SPECC1: variants seen among roughly 807,000 people sequenced by gnomAD.
SPECC1 encodes cytospin-B.
Under a neutral mutation model 104.1 loss-of-function variants are expected in SPECC1, and 62 were observed. The ratio of observed to expected loss-of-function variants is 0.60; its 90% CI spans 0.49 to 0.74. The LOEUF is 0.74. Among genes scored for constraint, SPECC1 ranks in the 30% least tolerant of loss-of-function variants. The pLI, the probability that SPECC1 is intolerant of heterozygous loss-of-function variation, is 0.00. For synonymous variants in SPECC1, 513 were observed against 501.6 expected, an observed-to-expected ratio of 1.02 and a Z score of -0.30; for missense variants, 1,306 against 1,310.5, an observed-to-expected ratio of 1.00 and a Z score of 0.05.
Position 20,315,790 on chromosome 17 carries a change from T to A in SPECC1, c.*1725T>A, listed in dbSNP as rs758305395. 4 of 232,676 alleles carry A rather than the reference T, an allele frequency of 1.7e-5. No individual in the cohort carries two copies. Among genetic ancestry groups the A allele is most frequent in the Middle Eastern group, 1.3e-3 (1 of 784 alleles). The allele number at this position is 232,676 out of a possible 1,614,324, so 14.4% of individuals were successfully genotyped here. A position where few individuals can be genotyped will look rare whatever the true frequency, so the allele number is the denominator to read the frequency against. ...GCAGATCCCTGATTCTCAAGCCACC[T>A]TGAGACAAGAACTCCGCCCCCCTGT... On this transcript the variant is annotated 3_prime_UTR_variant, in exon 15 of 15. Coordinates refer to ENST00000395527, the MANE Select transcript of SPECC1 (RefSeq NM_001243439.2).
chr17:20,078,873 T>C, intron 1 of SPECC1, among the ~76,000 whole-genome samples: 1 of 152,248 alleles, frequency 6.6e-6, no homozygotes, highest in South Asian at 2.1e-4. Flanking sequence ...CAGGTTGCTT[T>C]TTCCTCTTGC....
At position 20,317,192 on chromosome 17, in the gene SPECC1, A is replaced by T. The variant is rs183614637; in HGVS notation, c.*3127A>T. The T allele has an allele frequency of 1.3e-3, 212 of 158,460 alleles. No individual in the cohort carries two copies. Among genetic ancestry groups the T allele is most frequent in the African/African-American group, 5.2e-3 (204 of 39,212 alleles). 9.8% of individuals were successfully genotyped at this position (158,460 alleles called of 1,614,324 possible). A position where few individuals can be genotyped will look rare whatever the true frequency, so the allele number is the denominator to read the frequency against. On this transcript the variant is annotated 3_prime_UTR_variant, in exon 15 of 15. Coordinates refer to ENST00000395527, the MANE Select transcript of SPECC1 (RefSeq NM_001243439.2). ...CACTTTGGGAGGCTGAGGTGGGAGGATTGCTTGAGCCCAGGAGTTTGAGAC... is the reference window on the plus strand; with the variant it reads ...CACTTTGGGAGGCTGAGGTGGGAGGTTTGCTTGAGCCCAGGAGTTTGAGAC...
rs546906217 is a variant in SPECC1, at chr17:20,019,038, G to C, written c.-22+9614G>C. ...ACCCTTCTGAAATCTAAGTTCCCAG[G>C]TGCCAGCCAAGGATTAACCATGCTT... is the stretch of plus-strand genomic sequence containing the variant. On this transcript the variant is annotated intron_variant, in intron 1 of 14. Coordinates refer to ENST00000395527, the MANE Select transcript of SPECC1 (RefSeq NM_001243439.2). Among the ~76,000 whole-genome samples the C allele has an allele frequency of 1.1e-4, 16 of 152,126 alleles. 1 individual carries two copies. In the South Asian group the frequency reaches 3.1e-3, roughly 30 times the overall value.
At chr17:20,238,779 TA>T in intron 7 of SPECC1, 1 of 1,044,682 alleles carries the variant, frequency 9.6e-7, no homozygotes, top group Non-Finnish European at 1.2e-6. Context: ...AACTTCAACT[TA>T]AAAGGCACTG....
chr17:20,266,765 G>A (rs1296389858), intron 12 of SPECC1, among the ~76,000 whole-genome samples: 1 of 152,090 alleles, frequency 6.6e-6, no homozygotes, highest in East Asian at 1.9e-4. Flanking sequence ...AGGGAAGGAG[G>A]GTTGGGAATG....
chr17:20,157,121 T>A (rs2032652206), intron 3 of SPECC1, among the ~76,000 whole-genome samples: 1 of 152,154 alleles, frequency 6.6e-6, no homozygotes, highest in African/African-American at 2.4e-5. Context: ...CTTGTCCGAG[T>A]GACCTTTTCC....
chr17:20,093,025 G>A (rs2047472790), intron 1 of SPECC1, among the ~76,000 whole-genome samples: 1 of 152,158 alleles, frequency 6.6e-6, no homozygotes, highest in Non-Finnish European at 1.5e-5. Context: ...CTGAGATTTG[G>A]GCAAGTTGCT....
Position 20,316,358 on chromosome 17 carries a change from G to C in SPECC1, c.*2293G>C. The C allele has an allele frequency of 4.4e-6, 1 of 224,806 alleles. No individual in the cohort carries two copies. Among genetic ancestry groups the C allele is most frequent in the Non-Finnish European group, 8.9e-6 (1 of 112,754 alleles). 13.9% of individuals were successfully genotyped at this position (224,806 alleles called of 1,614,324 possible). Reference sequence around the variant, plus strand: ...GTGGGTGTTTTCTGTGATTGGTTCTGTTTTTTATTTTTACTTATTTATTTT... The same window carrying C: ...GTGGGTGTTTTCTGTGATTGGTTCTCTTTTTTATTTTTACTTATTTATTTT... On this transcript the variant is annotated 3_prime_UTR_variant, in exon 15 of 15. Coordinates refer to ENST00000395527, the MANE Select transcript of SPECC1 (RefSeq NM_001243439.2).
intron 5 of SPECC1, among the ~76,000 whole-genome samples, chr17:20,229,346 G>A (rs867712149): frequency 3.3e-5 from 5 of 152,088 alleles, no homozygotes; most frequent in African/African-American, 7.2e-5. Context: ...CCCGTTGTGC[G>A]TGAGTTCGGT....
chr17:20,142,438 G>A (rs989257334), intron 3 of SPECC1, among the ~76,000 whole-genome samples: 6 of 152,228 alleles, frequency 3.9e-5, no homozygotes, highest in Non-Finnish European at 8.8e-5. Flanking sequence ...CAACAGATGC[G>A]TAGATCAACA....
intron 1 of SPECC1, among the ~76,000 whole-genome samples, chr17:20,015,584 A>ATTTTTTTTTTTTTTT: frequency 9.8e-6 from 1 of 102,072 alleles, no homozygotes; most frequent in Non-Finnish European, 2.0e-5. Context: ...CCGGGTCTCT[A>ATTTTTTTTTTTTTTT]TTTTTTTTTT....
intron 13 of SPECC1, among the ~76,000 whole-genome samples, chr17:20,297,583 A>G (rs1386686150): frequency 6.6e-6 from 1 of 152,220 alleles, no homozygotes; most frequent in Non-Finnish European, 1.5e-5. Flanking sequence ...GGGCCACGTA[A>G]TAGACTCAGT....
intron 3 of SPECC1, among the ~76,000 whole-genome samples, chr17:20,190,380 T>G (rs1334981518): frequency 2.9e-5 from 4 of 139,994 alleles, no homozygotes; most frequent in Non-Finnish European, 6.2e-5. Flanking sequence ...GAGCTTATTA[T>G]GAAAAGCAAG....
intron 12 of SPECC1, among the ~76,000 whole-genome samples, chr17:20,265,447 A>G (rs2040186913): frequency 6.6e-6 from 1 of 152,002 alleles, no homozygotes; most frequent in African/African-American, 2.4e-5. Context: ...CTATTTTTTA[A>G]TGGGGTTATT....
At chr17:20,046,755 G>A (rs560538264) in intron 1 of SPECC1, among the ~76,000 whole-genome samples, 2 of 152,050 alleles carry the variant, frequency 1.3e-5, no homozygotes, top group South Asian at 4.2e-4. Flanking sequence ...TGGAGGAGGC[G>A]GCCAGAGCCA....
Position 20,317,376 on chromosome 17 carries a change from T to A in SPECC1, c.*3311T>A. 6.0e-6 allele frequency: 1 copy of A among 166,662 alleles called. No homozygotes were observed. The highest frequency in any genetic ancestry group is 1.3e-5 in the Non-Finnish European group (1 of 77,894). 10.3% of individuals were successfully genotyped at this position (166,662 alleles called of 1,614,324 possible). The stretch of plus-strand genomic sequence containing the variant: ...CCCAGGTTCAAGAGATTCTCCTGCC[T>A]TAGCCTCCTAAGTAGCTGGGATTAT... On this transcript the variant is annotated 3_prime_UTR_variant, in exon 15 of 15. Transcript: ENST00000395527.
At chr17:20,298,944 AGAGAGT>A (rs1252039991) in intron 13 of SPECC1, among the ~76,000 whole-genome samples, 1 of 41,492 alleles carries the variant, frequency 2.4e-5, no homozygotes, top group Non-Finnish European at 4.2e-5. Context: ...AGAGAGAGAG[AGAGAGT>A]GTGTGTGTGT....
chr17:20,255,401 G>A (rs1012671877), intron 10 of SPECC1, among the ~76,000 whole-genome samples: 4 of 152,196 alleles, frequency 2.6e-5, no homozygotes, highest in South Asian at 2.1e-4. Context: ...TTGATGACAC[G>A]CATAGTGCTA....
intron 1 of SPECC1, among the ~76,000 whole-genome samples, chr17:20,053,640 G>A (rs2045856425): frequency 6.6e-6 from 1 of 152,200 alleles, no homozygotes; most frequent in Admixed American, 6.5e-5. Context: ...ATGCTATAGA[G>A]AGGCTCACTT....
Sources: allele counts gnomAD v4.1 joint callset (sites outside exome capture counted in the v4.1 genomes callset), GRCh38; gene constraint gnomAD v4.1.1; transcripts MANE v1.5; gene names NCBI Gene and HGNC (gene_info 2026-07-23, HGNC 2026-07-21).